TRAPPC9: variants seen among roughly 807,000 people sequenced by gnomAD.
TRAPPC9 encodes the protein trafficking protein particle complex subunit 9, also known as IKK2 binding protein.
A neutral mutation model predicts 124.0 loss-of-function variants in TRAPPC9; 83 were observed. The ratio of observed to expected loss-of-function variants is 0.67; its 90% confidence interval spans 0.56 to 0.80. TRAPPC9 has a LOEUF of 0.80. TRAPPC9 is among the 30% of genes least tolerant of loss of function. TRAPPC9 has a pLI of 0.00. For synonymous variants in TRAPPC9, 638 were observed against 617.5 expected, an observed-to-expected ratio of 1.03 and a Z score of -0.49; for missense variants, 1,302 against 1,508.3, an observed-to-expected ratio of 0.86 and a Z score of 2.27.
rs35283714 is a variant in TRAPPC9 at position 140,319,172 on chromosome 8, CTTTTTTTTTTTT to C, written c.1496-7810_1496-7799del. Among the ~76,000 whole-genome samples, 30 of 118,528 alleles carry C rather than the reference CTTTTTTTTTTTT, an allele frequency of 2.5e-4. No individual in the cohort carries two copies. In the East Asian group the frequency reaches 5.5e-3, roughly 22 times the overall value. The allele number at this position is 118,528 out of a possible 152,430, so 77.8% of individuals were successfully genotyped here. ...TAATGCCCTTGAAAGTTATTTTGAA[CTTTTTTTTTTTT>C]TTTTTTTTTGAGATGGAGTCTTGCT... On this transcript the variant is annotated intron_variant, in intron 9 of 22. Coordinates refer to ENST00000438773, the MANE Select transcript of TRAPPC9 (RefSeq NM_001160372.4).
intron 9 of TRAPPC9, among the ~76,000 whole-genome samples, chr8:140,313,029 G>A (rs147629015): frequency 6.6e-6 from 1 of 152,222 alleles, no homozygotes; most frequent in Non-Finnish European, 1.5e-5. Context: ...CAAAGTACTG[G>A]GATTACAGGC....
At chr8:139,977,978 G>C (rs892225055) in intron 19 of TRAPPC9, among the ~76,000 whole-genome samples, 1 of 152,052 alleles carries the variant, frequency 6.6e-6, no homozygotes, top group African/African-American at 2.4e-5. Flanking sequence ...ACCGCACCCA[G>C]CCTCCTACTC....
intron 17 of TRAPPC9, among the ~76,000 whole-genome samples, chr8:140,128,335 C>A (rs2061135771): frequency 6.6e-6 from 1 of 152,238 alleles, no homozygotes. Flanking sequence ...AGCTCCAGCT[C>A]TGGCGTAAGC....
intron 21 of TRAPPC9, among the ~76,000 whole-genome samples, chr8:139,791,673 G>A (rs905563405): frequency 1.3e-5 from 2 of 152,106 alleles, no homozygotes; most frequent in Non-Finnish European, 2.9e-5. Flanking sequence ...TTCTAGCCTG[G>A]ATGTTGTATG....
intron 21 of TRAPPC9, among the ~76,000 whole-genome samples, chr8:139,766,888 T>G (rs1820619251): frequency 6.6e-6 from 1 of 152,236 alleles, no homozygotes; most frequent in Non-Finnish European, 1.5e-5. Context: ...TGCTGTCTTG[T>G]GCGTCCCGCA....
chr8:140,275,559 G>A (rs951673068), intron 15 of TRAPPC9, 99 bp downstream of exon 15: 12 of 1,356,988 alleles, frequency 8.8e-6, no homozygotes, highest in Admixed American at 5.2e-5. Flanking sequence ...AATCCACAAA[G>A]AAGTTTTTAG....
At chr8:140,025,498 C>G (rs1458712384) in intron 17 of TRAPPC9, among the ~76,000 whole-genome samples, 1 of 142,022 alleles carries the variant, frequency 7.0e-6, no homozygotes, top group African/African-American at 2.6e-5. Flanking sequence ...AACATAGGAA[C>G]AAATCTTCAT....
At chr8:140,094,618 G>C (rs1237928363) in intron 17 of TRAPPC9, among the ~76,000 whole-genome samples, 1 of 152,222 alleles carries the variant, frequency 6.6e-6, no homozygotes, top group South Asian at 2.1e-4. Context: ...CAGAGTAGAG[G>C]GGAGGGAAGG....
At chr8:140,122,446 C>T (rs1587751583) in intron 17 of TRAPPC9, among the ~76,000 whole-genome samples, 1 of 152,150 alleles carries the variant, frequency 6.6e-6, no homozygotes, top group Admixed American at 6.5e-5. Context: ...TGTTAGAAAG[C>T]AATAGATAAC....
rs547862433 is a variant in TRAPPC9 at position 140,018,484 on chromosome 8, C to T, written c.2699+5453G>A. ...GACTACAGGTGCCCACCACCACGCC[C>T]GGCTAATTTTGTTTTTGTATTTTTA... On this transcript the variant is annotated intron_variant, in intron 18 of 22. Coordinates refer to ENST00000438773, the MANE Select transcript of TRAPPC9 (RefSeq NM_001160372.4). Among the ~76,000 whole-genome samples the T allele has an allele frequency of 1.5e-4, 23 of 151,874 alleles. No individual in the cohort carries two copies. In the East Asian group the frequency reaches 1.6e-3, roughly 10 times the overall value.
chr8:140,099,127 GCGCAGCTGCAGGAGTGCCGCAGTC>G (rs1311226587), intron 17 of TRAPPC9: 4 of 152,150 alleles, frequency 2.6e-5, no homozygotes, highest in African/African-American at 9.7e-5. Context: ...AGGTCTCAGT[GCGCAGCTGCAGGAGTGCCGCAGTC>G]CGCAGGGTAC....
At chr8:139,873,851 T>A (rs1473306187) in intron 21 of TRAPPC9, among the ~76,000 whole-genome samples, 52 of 152,230 alleles carry the variant, frequency 3.4e-4, no homozygotes, top group Admixed American at 3.4e-3. Flanking sequence ...CTAGTCCACC[T>A]CTGGCCTCCG....
At chr8:140,366,965 A>C (rs2068130997) in intron 8 of TRAPPC9, among the ~76,000 whole-genome samples, 1 of 152,228 alleles carries the variant, frequency 6.6e-6, no homozygotes, top group Non-Finnish European at 1.5e-5. Context: ...GCAAATAAGC[A>C]TAAGAAAAAT....
intron 21 of TRAPPC9, among the ~76,000 whole-genome samples, chr8:139,749,814 C>T (rs538632152): frequency 2.0e-4 from 30 of 152,300 alleles, no homozygotes; most frequent in Admixed American, 9.8e-4. Flanking sequence ...CTGTGCTGGA[C>T]TGGAGGGGCA....
intron 21 of TRAPPC9, among the ~76,000 whole-genome samples, chr8:139,836,665 A>G (rs1826377785): frequency 6.6e-6 from 1 of 152,228 alleles, no homozygotes; most frequent in Non-Finnish European, 1.5e-5. Flanking sequence ...CCCGAGAGTC[A>G]TTTGGGACAT....
intron 17 of TRAPPC9, among the ~76,000 whole-genome samples, chr8:140,188,740 G>A (rs748027319): frequency 1.3e-5 from 2 of 152,092 alleles, no homozygotes; most frequent in Non-Finnish European, 2.9e-5. Context: ...CAACACCGAT[G>A]TTCCCCAGGG....
In TRAPPC9 at chr8:140,426,712, A is replaced by G. The variant is rs949278064; in HGVS notation, c.860-71T>C. The G allele has an allele frequency of 6.2e-6, 9 of 1,446,698 alleles. No homozygotes were observed. In the African/African-American group the frequency reaches 9.8e-5, roughly 16 times the overall value. The allele number at this position is 1,446,698 out of a possible 1,614,324, so 89.6% of individuals were successfully genotyped here. ...TACTTTTAAAAATAACTACTAAAAC[A>G]CATTTCATAATTCACATAGCCTAGA... On this transcript the variant is annotated intron_variant, in intron 4 of 22. Coordinates refer to ENST00000438773, the MANE Select transcript of TRAPPC9 (RefSeq NM_001160372.4).
chr8:140,081,346 C>CATTTTTTTTTTTTTTTTTTTTTTTTTTT (rs35254769), intron 17 of TRAPPC9, among the ~76,000 whole-genome samples: 1 of 141,050 alleles, frequency 7.1e-6, no homozygotes, highest in Non-Finnish European at 1.5e-5. Context: ...AAAATGAATG[C>CATTTTTTTTTTTTTTTTTTTTTTTTTTT]TTTTTTTTTT....
chr8:140,069,420 C>T (rs1843030774), intron 17 of TRAPPC9, among the ~76,000 whole-genome samples: 1 of 152,106 alleles, frequency 6.6e-6, no homozygotes. Flanking sequence ...GGGTAAGGCA[C>T]CAAGACGTAA....
Sources: allele counts gnomAD v4.1 joint callset (sites outside exome capture counted in the v4.1 genomes callset), GRCh38; gene constraint gnomAD v4.1.1; transcripts MANE v1.5; gene names NCBI Gene and HGNC (gene_info 2026-07-23, HGNC 2026-07-21).